SLC13A1: variants seen among roughly 807,000 people sequenced by gnomAD.
SLC13A1 encodes Na(+)/sulfate cotransporter.
SLC13A1 carries 65 observed loss-of-function variants against 70.0 expected under a neutral mutation model. That is an observed-to-expected ratio of 0.93 (90% CI 0.76 to 1.14). SLC13A1 has a LOEUF of 1.14. SLC13A1 is among the 50% of genes most tolerant of loss of function. SLC13A1 has a pLI of 0.00. For missense variants in SLC13A1, 726 were observed against 717.8 expected (o/e 1.01, Z -0.13); for synonymous variants, 275 against 250.5 (o/e 1.10, Z -0.92).
At chr7:123,166,130 C>G (rs1563341788) in intron 6 of SLC13A1, among the ~76,000 whole-genome samples, 1 of 152,160 alleles carries the variant, frequency 6.6e-6, no homozygotes, top group East Asian at 1.9e-4. Flanking sequence ...GTATTTATGT[C>G]AGACATATTT....
chr7:123,184,286 A>G (rs1795729988), intron 1 of SLC13A1, among the ~76,000 whole-genome samples: 1 of 152,108 alleles, frequency 6.6e-6, no homozygotes, highest in South Asian at 2.1e-4. Flanking sequence ...TGCTGAGAAC[A>G]CTTTATATCC....
chr7:123,169,361 G>C, intron 3 of SLC13A1, 26 bp from the exon 4 acceptor site: 1 of 1,604,928 alleles, frequency 6.2e-7, no homozygotes, highest in Non-Finnish European at 8.5e-7. Context: ...CATTATTGTG[G>C]AGCTGTGCTC....
rs1585395683 is a variant in SLC13A1 at position 123,182,971 on chromosome 7, A to G, written c.100-1870T>C. ...CTTATCACAACACCTCCTGACATCA[A>G]TTTTCTATATCCAAAGAATCTTCTT... On this transcript the variant is annotated intron_variant, in intron 1 of 14. Transcript: ENST00000194130. 1.3e-5 allele frequency among the ~76,000 whole-genome samples: 2 copies of G among 152,068 alleles called. 1 individual carries two copies. The highest frequency in any genetic ancestry group is 4.2e-4 in the South Asian group (2 of 4,810).
chr7:123,164,955 A>C (rs1430894271), intron 6 of SLC13A1, among the ~76,000 whole-genome samples: 2 of 151,872 alleles, frequency 1.3e-5, no homozygotes, highest in Non-Finnish European at 2.9e-5. Context: ...CACAGGATTT[A>C]TTTTAATTCA....
At chr7:123,168,917 G>C (rs1795162223) in intron 4 of SLC13A1, among the ~76,000 whole-genome samples, 1 of 152,184 alleles carries the variant, frequency 6.6e-6, no homozygotes, top group Non-Finnish European at 1.5e-5. Flanking sequence ...CAGTCTGGCT[G>C]AGGGATAGAA....
intron 1 of SLC13A1, among the ~76,000 whole-genome samples, chr7:123,199,103 C>T (rs930289818): frequency 6.6e-6 from 1 of 152,124 alleles, no homozygotes; most frequent in Non-Finnish European, 1.5e-5. Flanking sequence ...CCTCTTACTA[C>T]CAAGTGACGT....
In SLC13A1 at chr7:123,199,836, A is replaced by G; in HGVS notation, c.99+12T>C. Reference sequence around the variant, plus strand: ...CAGGAAATCCACCAGTCTGTTCTCCAGGTTCACTCACCTTGGTGTGGAGGA... The same window carrying G: ...CAGGAAATCCACCAGTCTGTTCTCCGGGTTCACTCACCTTGGTGTGGAGGA... On this transcript the variant is annotated intron_variant, in intron 1 of 14. Coordinates refer to ENST00000194130, the MANE Select transcript of SLC13A1 (RefSeq NM_022444.4). 1.3e-6 allele frequency: 2 copies of G among 1,582,868 alleles called. No homozygotes were observed. The highest frequency in any genetic ancestry group is 1.7e-6 in the Non-Finnish European group (2 of 1,152,650).
chr7:123,130,912 C>T (rs993274026), intron 8 of SLC13A1, among the ~76,000 whole-genome samples: 2 of 151,890 alleles, frequency 1.3e-5, no homozygotes, highest in Non-Finnish European at 2.9e-5. Context: ...CCAGTGTCTT[C>T]GAAACTGAAC....
chr7:123,166,880 G>A lies in SLC13A1; in HGVS notation c.660+1494C>T, dbSNP rs139441508. On this transcript the variant is annotated intron_variant, in intron 6 of 14. Coordinates refer to ENST00000194130, the MANE Select transcript of SLC13A1 (RefSeq NM_022444.4). ...TGTGCATCCCCATCAAAAAGTGGGCGAAGGATATGAACAGACACTTCTCAA... is the reference window on the plus strand; with the variant it reads ...TGTGCATCCCCATCAAAAAGTGGGCAAAGGATATGAACAGACACTTCTCAA... Among the ~76,000 whole-genome samples, 231 of 152,236 alleles carry A rather than the reference G, an allele frequency of 1.5e-3. No individual in the cohort carries two copies. In the East Asian group the frequency reaches 0.017, roughly 11 times the overall value.
At chr7:123,180,922 A>G (rs375342955) in intron 2 of SLC13A1, 51 bp downstream of exon 2, 2 of 1,553,198 alleles carry the variant, frequency 1.3e-6, no homozygotes, top group Admixed American at 1.9e-5. Context: ...CTCAATGGAA[A>G]TCTCAATACA....
chr7:123,128,701 C>T (rs948407652), intron 10 of SLC13A1, 144 bp downstream of exon 10: 3 of 613,184 alleles, frequency 4.9e-6, no homozygotes, highest in African/African-American at 3.7e-5. Flanking sequence ...AATTTTTTTC[C>T]TGAAAAGATT....
chr7:123,187,772 A>T (rs1002802188), intron 1 of SLC13A1, among the ~76,000 whole-genome samples: 3 of 152,216 alleles, frequency 2.0e-5, no homozygotes, highest in Non-Finnish European at 4.4e-5. Context: ...TCATTTTAAT[A>T]GATGTAGTAT....
intron 12 of SLC13A1, among the ~76,000 whole-genome samples, chr7:123,119,749 A>G (rs1793310359): frequency 6.6e-6 from 1 of 151,690 alleles, no homozygotes; most frequent in Non-Finnish European, 1.5e-5. Context: ...CTAATATGTT[A>G]CATGATAATT....
chr7:123,121,050 C>CT (rs1181506088), intron 12 of SLC13A1, among the ~76,000 whole-genome samples: 5 of 151,846 alleles, frequency 3.3e-5, no homozygotes, highest in African/African-American at 9.7e-5. Flanking sequence ...ATTTTTTTCT[C>CT]TTTTTTTCTG....
At chr7:123,129,250 A>C (rs547846682) in intron 9 of SLC13A1, 133 bp downstream of exon 9, 1 of 784,716 alleles carries the variant, frequency 1.3e-6, no homozygotes, top group East Asian at 2.6e-5. Flanking sequence ...AGTGTTATAA[A>C]TACCTTGCAA....
intron 6 of SLC13A1, among the ~76,000 whole-genome samples, chr7:123,151,854 G>T (rs1794568470): frequency 6.6e-6 from 1 of 151,938 alleles, no homozygotes; most frequent in South Asian, 2.1e-4. Context: ...ACTGAAATAT[G>T]CCTGGACTCT....
intron 6 of SLC13A1, among the ~76,000 whole-genome samples, chr7:123,155,007 G>T (rs943480918): frequency 3.9e-5 from 6 of 152,044 alleles, no homozygotes; most frequent in African/African-American, 1.4e-4. Flanking sequence ...GAAGTATTCA[G>T]TCATTCATAT....
intron 7 of SLC13A1, among the ~76,000 whole-genome samples, chr7:123,136,796 C>T (rs1687072671): frequency 2.0e-5 from 3 of 152,064 alleles, no homozygotes; most frequent in Admixed American, 1.3e-4. Flanking sequence ...GGAAATTTTA[C>T]GTAATGCCAT....
At chr7:123,192,455 G>A (rs888901362) in intron 1 of SLC13A1, among the ~76,000 whole-genome samples, 1 of 152,120 alleles carries the variant, frequency 6.6e-6, no homozygotes, top group Non-Finnish European at 1.5e-5. Context: ...CATGGAATTA[G>A]AATATAAGTT....
Sources: gnomAD v4.1 joint callset for allele counts (sites outside exome capture counted in the v4.1 genomes callset) on GRCh38, gnomAD v4.1.1 for gene constraint, MANE v1.5 for transcripts, NCBI Gene and HGNC (gene_info 2026-07-23, HGNC 2026-07-21) for gene names.